Variants in HDAC8 observed in about 807,000 individuals in gnomAD.
The protein encoded by HDAC8 is histone deacetylase 8.
In HDAC8, 1 loss-of-function variant was observed where a neutral mutation model predicts 32.2. The ratio of observed to expected loss-of-function variants is 0.03; its 90% confidence interval spans 0.01 to 0.15. The LOEUF is 0.15. Among genes scored for constraint, HDAC8 ranks in the 10% least tolerant of loss-of-function variants. HDAC8 has a pLI of 1.00. For synonymous variants in HDAC8, 108 were observed against 113.9 expected (o/e 0.95, Z 0.33); for missense variants, 117 against 300.0 (o/e 0.39, Z 4.51).
At chrX:72,372,181 C>G (rs184411747) in intron 9 of HDAC8, among the ~76,000 whole-genome samples, 1 of 110,915 alleles carries the variant, frequency 9.0e-6, no homozygotes, top group East Asian at 2.8e-4. Flanking sequence ...CTTCCTACAC[C>G]CAACTAATCC....
chrX:72,369,534 G>A (rs1427549547), intron 9 of HDAC8, among the ~76,000 whole-genome samples: 1 of 112,252 alleles, frequency 8.9e-6, no homozygotes, highest in Non-Finnish European at 1.9e-5. Flanking sequence ...AAGCCCAGGT[G>A]TGCAGTCCAT....
intron 9 of HDAC8, among the ~76,000 whole-genome samples, chrX:72,452,259 C>A (rs1197424575): frequency 1.8e-5 from 2 of 111,934 alleles, no homozygotes; most frequent in Non-Finnish European, 3.8e-5. Flanking sequence ...AGTTCGAGAC[C>A]AGCCTGGCCA....
chrX:72,397,486 C>T (rs1287584117), intron 9 of HDAC8, among the ~76,000 whole-genome samples: 1 of 111,281 alleles, frequency 9.0e-6, no homozygotes, highest in African/African-American at 3.3e-5. Flanking sequence ...TTAATACATA[C>T]GTAAGTTATG....
intron 9 of HDAC8, among the ~76,000 whole-genome samples, chrX:72,380,081 T>C (rs1189399612): frequency 9.0e-6 from 1 of 111,129 alleles, no homozygotes; most frequent in Non-Finnish European, 1.9e-5. Flanking sequence ...TGCACAGCCT[T>C]GGGAATGCCT....
At chrX:72,406,640 A>C (rs1555968851) in intron 9 of HDAC8, among the ~76,000 whole-genome samples, 1 of 112,354 alleles carries the variant, frequency 8.9e-6, no homozygotes, top group Non-Finnish European at 1.9e-5. Context: ...ACAAAATCTC[A>C]GTAATAATTT....
chrX:72,406,882 C>T (rs941222256), intron 9 of HDAC8, among the ~76,000 whole-genome samples: 1 of 111,496 alleles, frequency 9.0e-6, no homozygotes, highest in East Asian at 2.8e-4. Flanking sequence ...AGATATGGAA[C>T]AGTTCCATTA....
intron 9 of HDAC8, among the ~76,000 whole-genome samples, chrX:72,391,087 G>C (rs1380621758): frequency 3.6e-5 from 4 of 112,026 alleles, no homozygotes; most frequent in African/African-American, 1.3e-4. Flanking sequence ...AATGTGAGGT[G>C]TACCTGTATT....
chrX:72,352,839 C>T (rs969567765), intron 9 of HDAC8, among the ~76,000 whole-genome samples: 11 of 111,616 alleles, frequency 9.9e-5, no homozygotes, highest in Admixed American at 3.8e-4. Context: ...AACCACTCCA[C>T]GACAAAGGGA....
intron 4 of HDAC8, among the ~76,000 whole-genome samples, chrX:72,547,126 G>T (rs1435732461): frequency 2.7e-5 from 3 of 110,732 alleles, no homozygotes; most frequent in African/African-American, 9.9e-5. Context: ...ATGGTTTGAG[G>T]TATACTTCCA....
intron 10 of HDAC8, among the ~76,000 whole-genome samples, chrX:72,331,948 C>A (rs2043537701): frequency 2.7e-5 from 3 of 112,398 alleles, no homozygotes; most frequent in Admixed American, 1.9e-4. Flanking sequence ...CTTCACCATC[C>A]CTAAGTCCCA....
chrX:72,493,905 T>A (rs1450808832), intron 5 of HDAC8, among the ~76,000 whole-genome samples: 1 of 110,904 alleles, frequency 9.0e-6, no homozygotes, highest in African/African-American at 3.3e-5. Flanking sequence ...CCCAGGCTGG[T>A]CTCAAACTCA....
intron 4 of HDAC8, among the ~76,000 whole-genome samples, chrX:72,544,276 A>T (rs954727310): frequency 2.3e-4 from 26 of 111,639 alleles, no homozygotes; most frequent in African/African-American, 8.5e-4. Context: ...GCAGAGATCA[A>T]AGTACCCAGG....
intron 10 of HDAC8, among the ~76,000 whole-genome samples, chrX:72,342,970 C>T (rs1250708521): frequency 5.4e-5 from 6 of 111,330 alleles, no homozygotes; most frequent in African/African-American, 1.6e-4. Flanking sequence ...ATTCACATAC[C>T]GCCTATGTGG....
At chrX:72,564,630 T>C (rs1232398156) in intron 4 of HDAC8, among the ~76,000 whole-genome samples, 1 of 112,040 alleles carries the variant, frequency 8.9e-6, no homozygotes, top group African/African-American at 3.2e-5. Flanking sequence ...GAGGGTATAA[T>C]GGTACAAGCT....
intron 7 of HDAC8, chrX:72,473,636 G>A (rs2048246574): frequency 1.3e-6 from 1 of 743,585 alleles, no homozygotes; most frequent in Non-Finnish European, 1.6e-6. Flanking sequence ...AGGCACCAGA[G>A]TTTTTGCTCT....
intron 4 of HDAC8, 98 bp downstream of exon 4, chrX:72,567,791 G>A (rs375899459): frequency 5.0e-6 from 6 of 1,208,769 alleles, no homozygotes; most frequent in African/African-American, 3.5e-5. Context: ...ATACACACAC[G>A]TCTCTCTGTA....
rs1419641723 is a variant in HDAC8 at position 72,330,062 on chromosome X, C to T, written c.1126G>A (p.Val376Met). The part of the protein sequence containing the change: ...LNYIKGNLKH[V>M]V ...TGATCTCTTTCTGTCAACTAGACCA[C>T]ATGCTTCAGATTCCCTGCAAACAGG... The change falls in exon 11 of 11, where the codon GTG becomes ATG. Residue 376 changes from valine to methionine, a missense_variant. Around this residue, in one of 4 missense-constraint regions of HDAC8, gnomAD observed 18 missense variants for 25.7 expected, o/e 0.70. Coordinates refer to ENST00000373573, the MANE Select transcript of HDAC8 (RefSeq NM_018486.3). 5 of 1,206,895 alleles carry T rather than the reference C, an allele frequency of 4.1e-6. No individual in the cohort carries two copies. Among genetic ancestry groups the T allele is most frequent in the Non-Finnish European group, 5.6e-6 (5 of 892,362 alleles).
At position 72,488,378 on chromosome X, in the gene HDAC8, C is replaced by G. The variant is rs147683043; in HGVS notation, c.737+555G>C. Among the ~76,000 whole-genome samples the G allele has an allele frequency of 9.4e-3, 1,048 of 110,975 alleles. 7 individuals are homozygous for G. Among genetic ancestry groups the G allele is most frequent in the Non-Finnish European group, 0.015 (788 of 53,006 alleles). On this transcript the variant is annotated intron_variant, in intron 7 of 10. Transcript: ENST00000373573. ...CCCCATTCCATAAGGCTTTTCAACT[C>G]TAGTGGTCCACACATTGGCACCAAT...
intron 4 of HDAC8, among the ~76,000 whole-genome samples, chrX:72,559,590 C>T (rs1407546391): frequency 2.8e-5 from 3 of 106,846 alleles, no homozygotes; most frequent in Non-Finnish European, 5.8e-5. Flanking sequence ...GTGAGGAGTG[C>T]CTCTTCCCGG....
Sources: allele counts gnomAD v4.1 joint callset (sites outside exome capture counted in the v4.1 genomes callset), GRCh38; gene constraint gnomAD v4.1.1; regional missense constraint gnomAD v4.1.1; transcripts MANE v1.5; gene names NCBI Gene and HGNC (gene_info 2026-07-23, HGNC 2026-07-21).